The following NFIA variants were observed in gnomAD, a reference collection of about 807,000 sequenced individuals.
The protein encoded by NFIA is nuclear factor 1 A-type.
NFIA carries 8 observed loss-of-function variants against 62.8 expected under a neutral mutation model. The observed-to-expected ratio is 0.13, with a 90% CI of 0.07 to 0.23. NFIA has a LOEUF of 0.23. Among genes scored for constraint, NFIA ranks in the 10% least tolerant of loss-of-function variants. The probability of loss-of-function intolerance (pLI) is 1.00; values close to 1 mark genes in which losing one functional copy is unlikely to be tolerated. For missense variants in NFIA, 410 were observed against 642.1 expected (o/e 0.64, Z 3.91); for synonymous variants, 235 against 238.1 (o/e 0.99, Z 0.12).
intron 2 of NFIA, among the ~76,000 whole-genome samples, chr1:61,184,207 G>A (rs1650977559): frequency 6.6e-6 from 1 of 151,926 alleles, no homozygotes; most frequent in South Asian, 2.1e-4. Flanking sequence ...ATGGGACTCG[G>A]CTTGCTTCTC....
intron 2 of NFIA, among the ~76,000 whole-genome samples, chr1:61,240,839 T>C (rs1444177381): frequency 1.3e-5 from 2 of 152,148 alleles, no homozygotes; most frequent in East Asian, 3.8e-4. Flanking sequence ...AACTTATTTT[T>C]TATTGAGTTA....
At chr1:61,414,461 C>T (rs190884559) in intron 9 of NFIA, among the ~76,000 whole-genome samples, 1 of 152,268 alleles carries the variant, frequency 6.6e-6, no homozygotes, top group Admixed American at 6.5e-5. Context: ...TCACCTTCAA[C>T]CTAGAGCTCA....
At chr1:61,383,058 G>A (rs553466690) in intron 6 of NFIA, among the ~76,000 whole-genome samples, 179 bp from the exon 7 acceptor site, 1 of 152,282 alleles carries the variant, frequency 6.6e-6, no homozygotes, top group African/African-American at 2.4e-5. Flanking sequence ...CTTATCAGGG[G>A]ACTATTCTGT....
intron 7 of NFIA, among the ~76,000 whole-genome samples, chr1:61,387,160 CAG>C (rs749332582): frequency 5.8e-4 from 88 of 152,246 alleles, no homozygotes; most frequent in South Asian, 1.5e-3. Flanking sequence ...CACAAAATCT[CAG>C]GGGGTCAGAT....
At chr1:61,244,028 C>T (rs1362220020) in intron 2 of NFIA, among the ~76,000 whole-genome samples, 2 of 152,098 alleles carry the variant, frequency 1.3e-5, no homozygotes, top group Non-Finnish European at 2.9e-5. Flanking sequence ...CCCTTTTCTA[C>T]GTAGCATACA....
chr1:61,322,723 A>T (rs1046992453), intron 3 of NFIA, among the ~76,000 whole-genome samples: 1 of 152,288 alleles, frequency 6.6e-6, no homozygotes, highest in South Asian at 2.1e-4. Flanking sequence ...TTAGTTTCTA[A>T]TGTTCTCCTA....
intron 2 of NFIA, among the ~76,000 whole-genome samples, chr1:61,233,499 A>G (rs1654803348): frequency 6.6e-6 from 1 of 152,192 alleles, no homozygotes; most frequent in East Asian, 1.9e-4. Flanking sequence ...AGTGAAGGGG[A>G]ACCTACTGAA....
chr1:61,089,180 C>A (rs1646273028), intron 2 of NFIA, among the ~76,000 whole-genome samples: 1 of 152,072 alleles, frequency 6.6e-6, no homozygotes, highest in African/African-American at 2.4e-5. Context: ...GAAAAATAAT[C>A]ACATTAATAC....
chr1:61,200,242 G>C (rs1652378776), intron 2 of NFIA, among the ~76,000 whole-genome samples: 1 of 151,210 alleles, frequency 6.6e-6, no homozygotes, highest in Non-Finnish European at 1.5e-5. Flanking sequence ...CTAGCGTCAT[G>C]ATCTTGTGCA....
At chr1:61,231,859 CA>C (rs1360962900) in intron 2 of NFIA, among the ~76,000 whole-genome samples, 8 of 147,646 alleles carry the variant, frequency 5.4e-5, no homozygotes, top group East Asian at 2.0e-4. Context: ...AACAAACAAA[CA>C]AACAACAACA....
chr1:61,346,946 C>G (rs1308726513), intron 4 of NFIA, among the ~76,000 whole-genome samples: 2 of 152,152 alleles, frequency 1.3e-5, no homozygotes, highest in African/African-American at 4.8e-5. Context: ...ACCATCAGAT[C>G]TCGTGGGAAC....
intron 2 of NFIA, among the ~76,000 whole-genome samples, chr1:61,156,330 C>T (rs576646594): frequency 1.3e-5 from 2 of 152,212 alleles, no homozygotes; most frequent in African/African-American, 2.4e-5. Context: ...GGAGTCAGCC[C>T]TCATTTGCCA....
chr1:61,143,195 A>G (rs1272081653), intron 2 of NFIA, among the ~76,000 whole-genome samples: 2 of 152,136 alleles, frequency 1.3e-5, no homozygotes, highest in Non-Finnish European at 2.9e-5. Context: ...TCAGAGAACC[A>G]CATGTGCCCC....
At chr1:61,225,103 A>G (rs1654246065) in intron 2 of NFIA, among the ~76,000 whole-genome samples, 3 of 152,072 alleles carry the variant, frequency 2.0e-5, no homozygotes, top group Admixed American at 2.0e-4. Flanking sequence ...TCCATTCCTC[A>G]AAATGTGTTT....
At chr1:61,083,057 A>G (rs982119110) in intron 1 of NFIA, among the ~76,000 whole-genome samples, 1 of 152,012 alleles carries the variant, frequency 6.6e-6, no homozygotes, top group African/African-American at 2.4e-5. Flanking sequence ...TTGCACGGCC[A>G]TTTGTGTGGG....
intron 2 of NFIA, among the ~76,000 whole-genome samples, chr1:61,255,324 C>T (rs753305209): frequency 1.5e-4 from 23 of 152,292 alleles, no homozygotes; most frequent in Admixed American, 5.9e-4. Flanking sequence ...AAGGAAGGCT[C>T]AGTGTTCTAG....
chr1:61,190,301 G>A (rs541021540), intron 2 of NFIA, among the ~76,000 whole-genome samples: 48 of 152,248 alleles, frequency 3.2e-4, no homozygotes, highest in African/African-American at 1.0e-3. Flanking sequence ...AATTCTTTCC[G>A]CAGCAGCACC....
intron 2 of NFIA, among the ~76,000 whole-genome samples, chr1:61,118,191 C>CAAAAAAAAAAAAAA (rs10719154): frequency 3.0e-5 from 4 of 131,272 alleles, no homozygotes; most frequent in African/African-American, 5.8e-5. Flanking sequence ...TCTCAAAGAA[C>CAAAAAAAAAAAAAA]AAAAAAAAAA....
At chr1:61,224,567 G>A (rs752559626) in intron 2 of NFIA, among the ~76,000 whole-genome samples, 2 of 152,098 alleles carry the variant, frequency 1.3e-5, no homozygotes, top group African/African-American at 2.4e-5. Flanking sequence ...ATTCAGTCCT[G>A]TTGGTGTAAA....
Sources: gnomAD v4.1 joint callset for allele counts (sites outside exome capture counted in the v4.1 genomes callset) on GRCh38, gnomAD v4.1.1 for gene constraint, MANE v1.5 for transcripts, NCBI Gene and HGNC (gene_info 2026-07-23, HGNC 2026-07-21) for gene names.